Variants in C8A observed in about 807,000 individuals in gnomAD.
C8A encodes complement component C8 alpha chain.
Under a neutral mutation model 65.3 loss-of-function variants are expected in C8A, and 67 were observed. The ratio of observed to expected loss-of-function variants is 1.03; its 90% CI spans 0.84 to 1.26. C8A has a LOEUF of 1.26. Ranked by LOEUF, C8A falls within the 50% of genes most tolerant of loss-of-function variation. C8A has a pLI of 0.00. For synonymous variants in C8A, 290 were observed against 259.4 expected (o/e 1.12, Z -1.13); for missense variants, 781 against 723.9 (o/e 1.08, Z -0.90).
intron 2 of C8A, 142 bp downstream of exon 2, chr1:56,867,844 A>G: frequency 1.4e-6 from 1 of 710,836 alleles, no homozygotes. Context: ...TCCATTATAC[A>G]TGGATGGTGA....
At chr1:56,872,866 G>T (rs1644159689) in intron 2 of C8A, among the ~76,000 whole-genome samples, 1 of 151,788 alleles carries the variant, frequency 6.6e-6, no homozygotes, top group Non-Finnish European at 1.5e-5. Flanking sequence ...TTCTTGGAAG[G>T]CACATCCAGA....
At chr1:56,863,771 A>G (rs1335983302) in intron 1 of C8A, among the ~76,000 whole-genome samples, 1 of 152,186 alleles carries the variant, frequency 6.6e-6, no homozygotes, top group Non-Finnish European at 1.5e-5. Context: ...AGGTTCAAAT[A>G]AATATCTCAA....
chr1:56,854,805 C>A lies in C8A; in HGVS notation c.-97C>A. 2 of 983,814 alleles carry A rather than the reference C, an allele frequency of 2.0e-6. No individual in the cohort carries two copies. The highest frequency in any genetic ancestry group is 3.2e-6 in the Non-Finnish European group (2 of 628,394). 60.9% of individuals were successfully genotyped at this position (983,814 alleles called of 1,614,324 possible). On this transcript the variant is annotated 5_prime_UTR_variant, in exon 1 of 11. Coordinates refer to ENST00000361249, the MANE Select transcript of C8A (RefSeq NM_000562.3). ...GGTGAGTTTCCAACATCAGATAGATCTTACAGGTCCCAGCCTGTAGACATC... is the reference window on the plus strand; with the variant it reads ...GGTGAGTTTCCAACATCAGATAGATATTACAGGTCCCAGCCTGTAGACATC...
chr1:56,874,696 G>T (rs993978737), intron 2 of C8A, among the ~76,000 whole-genome samples: 1 of 152,204 alleles, frequency 6.6e-6, no homozygotes, highest in East Asian at 1.9e-4. Flanking sequence ...CAAGTAGGAA[G>T]ACCCTAGAAA....
intron 10 of C8A, among the ~76,000 whole-genome samples, chr1:56,916,760 G>C (rs1459609781): frequency 1.3e-5 from 2 of 152,328 alleles, no homozygotes; most frequent in Non-Finnish European, 1.5e-5. Context: ...CACTGGATTA[G>C]TCCATCCTTC....
At chr1:56,890,270 A>T (rs1255943953) in intron 7 of C8A, among the ~76,000 whole-genome samples, 1 of 152,086 alleles carries the variant, frequency 6.6e-6, no homozygotes, top group Non-Finnish European at 1.5e-5. Flanking sequence ...TTGTAGGGGC[A>T]TCCCCACCTC....
At chr1:56,860,666 A>T (rs943423376) in intron 1 of C8A, among the ~76,000 whole-genome samples, 4 of 152,200 alleles carry the variant, frequency 2.6e-5, no homozygotes. Context: ...GAGGCATTTG[A>T]TAGACATATC....
chr1:56,908,525 A>T (rs568534588), intron 9 of C8A, among the ~76,000 whole-genome samples: 1 of 152,366 alleles, frequency 6.6e-6, no homozygotes, highest in Non-Finnish European at 1.5e-5. Flanking sequence ...TATAATACAC[A>T]AAGTAGTAGT....
At chr1:56,916,732 A>C (rs990933741) in intron 10 of C8A, among the ~76,000 whole-genome samples, 1 of 152,212 alleles carries the variant, frequency 6.6e-6, no homozygotes, top group African/African-American at 2.4e-5. Flanking sequence ...GATGAAAAAA[A>C]TAAACATTGA....
intron 7 of C8A, among the ~76,000 whole-genome samples, chr1:56,898,923 A>C (rs1432463149): frequency 6.6e-6 from 1 of 152,132 alleles, no homozygotes; most frequent in African/African-American, 2.4e-5. Context: ...ATCTTATTGT[A>C]AAAGGTCCTA....
At chr1:56,873,896 C>T (rs1644171837) in intron 2 of C8A, among the ~76,000 whole-genome samples, 1 of 152,164 alleles carries the variant, frequency 6.6e-6, no homozygotes. Flanking sequence ...TCCTAGTTTT[C>T]AGCTTCCTTC....
intron 7 of C8A, among the ~76,000 whole-genome samples, chr1:56,901,209 A>G (rs1391935995): frequency 6.6e-6 from 1 of 152,194 alleles, no homozygotes; most frequent in Non-Finnish European, 1.5e-5. Flanking sequence ...TCTCTTTCCC[A>G]TTCTGAGGCT....
intron 1 of C8A, among the ~76,000 whole-genome samples, chr1:56,860,353 C>G (rs2101186318): frequency 6.6e-6 from 1 of 152,200 alleles, no homozygotes; most frequent in East Asian, 1.9e-4. Context: ...AAGAAGATGT[C>G]ACAAAATTGG....
At chr1:56,898,115 G>C (rs140688466) in intron 7 of C8A, among the ~76,000 whole-genome samples, 4 of 152,144 alleles carry the variant, frequency 2.6e-5, no homozygotes, top group African/African-American at 9.7e-5. Context: ...CAGCAAGTAG[G>C]TAAGGATGAG....
rs1644203650 is a variant in C8A, at chr1:56,876,897, C to T, written c.464+688C>T. Among the ~76,000 whole-genome samples the T allele has an allele frequency of 4.6e-5, 7 of 152,178 alleles. No homozygotes were observed. The South Asian group carries it at 1.2e-3, about 27-fold the overall frequency. Reference sequence around the variant, plus strand: ...GTAACTCCTCATCTAATGTTCTGCACTGAATTTTGTCTCCCCTTACCCCCA... The same window carrying T: ...GTAACTCCTCATCTAATGTTCTGCATTGAATTTTGTCTCCCCTTACCCCCA... On this transcript the variant is annotated intron_variant, in intron 4 of 10. Coordinates refer to ENST00000361249, the MANE Select transcript of C8A (RefSeq NM_000562.3).
chr1:56,883,812 A>G, intron 6 of C8A, 131 bp downstream of exon 6: 1 of 757,100 alleles, frequency 1.3e-6, no homozygotes, highest in Non-Finnish European at 2.2e-6. Flanking sequence ...ATGTCTGATC[A>G]GTGGTAATCA....
chr1:56,909,879 C>G (rs1644492895), intron 9 of C8A, among the ~76,000 whole-genome samples: 2 of 152,170 alleles, frequency 1.3e-5, no homozygotes, highest in South Asian at 4.1e-4. Context: ...TCGAAATTGG[C>G]AAATGATAGA....
In C8A at chr1:56,881,557, A is replaced by G. The variant is rs772765598; in HGVS notation, c.577A>G (p.Thr193Ala). 6.2e-7 allele frequency: 1 copy of G among 1,613,706 alleles called. No homozygotes were observed. ...ATGGAGGGAGCTTCGATATGACTCCACCTGTGAACGTCTCTACTATGGAGA... is the reference window on the plus strand; with the variant it reads ...ATGGAGGGAGCTTCGATATGACTCCGCCTGTGAACGTCTCTACTATGGAGA... ...GEWRELRYDS[T>A]CERLYYGDDE... is the part of the protein sequence containing the mutation. Residue 193 changes from threonine (T) to alanine (A), a missense_variant, in exon 5 of 11, where the codon ACC (threonine) becomes GCC (alanine). Transcript: ENST00000361249.
At chr1:56,879,445 G>A (rs1644229726) in intron 4 of C8A, among the ~76,000 whole-genome samples, 1 of 152,112 alleles carries the variant, frequency 6.6e-6, no homozygotes, top group African/African-American at 2.4e-5. Flanking sequence ...TATGCTTAGA[G>A]GTTATATTAT....
Sources: gnomAD v4.1 joint callset for allele counts (sites outside exome capture counted in the v4.1 genomes callset) on GRCh38, gnomAD v4.1.1 for gene constraint, MANE v1.5 for transcripts, NCBI Gene and HGNC (gene_info 2026-07-23, HGNC 2026-07-21) for gene names.